Variants in MAGI2 observed in about 807,000 individuals in gnomAD.
MAGI2 encodes membrane-associated guanylate kinase, WW and PDZ domain-containing protein 2.
MAGI2 carries 35 observed loss-of-function variants against 133.3 expected under a neutral mutation model. The ratio of observed to expected loss-of-function variants is 0.26; its 90% confidence interval spans 0.20 to 0.35. The LOEUF is 0.35. Among genes scored for constraint, MAGI2 ranks in the 10% least tolerant of loss-of-function variants. The pLI is 1.00. For missense variants in MAGI2, 1,636 were observed against 1,863.4 expected (o/e 0.88, Z 2.25); for synonymous variants, 729 against 710.6 (o/e 1.03, Z -0.41).
intron 1 of MAGI2, among the ~76,000 whole-genome samples, chr7:79,407,831 C>T (rs556239464): frequency 8.2e-4 from 125 of 151,858 alleles, no homozygotes; most frequent in Non-Finnish European, 1.3e-3. Flanking sequence ...ACAATACCTA[C>T]AATTTTGGGT....
intron 2 of MAGI2, among the ~76,000 whole-genome samples, chr7:78,957,411 T>C (rs1332016399): frequency 6.6e-6 from 1 of 152,042 alleles, no homozygotes; most frequent in Non-Finnish European, 1.5e-5. Context: ...AAAACTATAG[T>C]ATAATTTGCC....
intron 9 of MAGI2, among the ~76,000 whole-genome samples, chr7:78,310,156 G>A (rs972235931): frequency 2.1e-4 from 32 of 151,940 alleles, no homozygotes; most frequent in African/African-American, 7.5e-4. Context: ...TACATTAGTG[G>A]CCAGGCGTGG....
chr7:78,476,263 C>T (rs988686341), intron 6 of MAGI2, among the ~76,000 whole-genome samples: 2 of 151,718 alleles, frequency 1.3e-5, no homozygotes, highest in Non-Finnish European at 1.5e-5. Flanking sequence ...TTTGTAGCCT[C>T]GAACCACTGG....
At chr7:78,682,820 G>A (rs1400617344) in intron 2 of MAGI2, among the ~76,000 whole-genome samples, 1 of 152,134 alleles carries the variant, frequency 6.6e-6, no homozygotes, top group Non-Finnish European at 1.5e-5. Context: ...TACTATTGAT[G>A]AACTCTTAAG....
At chr7:78,687,919 G>C (rs550562741) in intron 2 of MAGI2, among the ~76,000 whole-genome samples, 3 of 136,806 alleles carry the variant, frequency 2.2e-5, no homozygotes, top group Non-Finnish European at 3.0e-5. Flanking sequence ...GCGGTGAGCC[G>C]AGACTGGGCC....
At chr7:78,812,081 A>G (rs1157571453) in intron 2 of MAGI2, among the ~76,000 whole-genome samples, 1 of 152,172 alleles carries the variant, frequency 6.6e-6, no homozygotes, top group Non-Finnish European at 1.5e-5. Flanking sequence ...GCCAGGGAAC[A>G]TGGGCAGCCT....
chr7:78,658,526 G>A (rs1449935483), intron 2 of MAGI2, among the ~76,000 whole-genome samples: 2 of 152,018 alleles, frequency 1.3e-5, no homozygotes, highest in African/African-American at 2.4e-5. Context: ...TTAAGAGCAC[G>A]AAAAGACAAA....
At chr7:78,854,615 C>A (rs1279187325) in intron 2 of MAGI2, among the ~76,000 whole-genome samples, 1 of 150,150 alleles carries the variant, frequency 6.7e-6, no homozygotes, top group East Asian at 1.9e-4. Flanking sequence ...CTTTGTTAAT[C>A]TTTGCAGGCT....
chr7:79,446,717 G>A (rs1848877613), intron 1 of MAGI2, among the ~76,000 whole-genome samples: 1 of 152,126 alleles, frequency 6.6e-6, no homozygotes, highest in South Asian at 2.1e-4. Context: ...TTGGGAGACC[G>A]AAGCAGGTGG....
At chr7:78,520,640 T>C (rs1346130484) in intron 4 of MAGI2, among the ~76,000 whole-genome samples, 1 of 152,114 alleles carries the variant, frequency 6.6e-6, no homozygotes, top group East Asian at 1.9e-4. Context: ...TGCCACAGTT[T>C]TGTTGTTGTT....
At chr7:79,234,932 C>T (rs1215461793) in intron 1 of MAGI2, among the ~76,000 whole-genome samples, 1 of 151,862 alleles carries the variant, frequency 6.6e-6, no homozygotes, top group South Asian at 2.1e-4. Context: ...GTTTTATCTA[C>T]TTTTGGTCTT....
At chr7:78,274,661 A>G (rs540246997) in intron 9 of MAGI2, among the ~76,000 whole-genome samples, 2 of 151,874 alleles carry the variant, frequency 1.3e-5, no homozygotes, top group African/African-American at 4.8e-5. Context: ...TCTAGAGAGG[A>G]AGTCTGGCTG....
rs1849433401 is a variant in MAGI2, at chr7:79,453,377, G to A, written c.-57C>T. ...CTCCTTGGGGTTAGGGGGGCTGGTG[G>A]TGAGAGAATGAGGATGGAGGAGCAA... On this transcript the variant is annotated 5_prime_UTR_variant, in exon 1 of 22. Transcript: ENST00000354212. 6.5e-7 allele frequency: 1 copy of A among 1,537,312 alleles called. No homozygotes were observed. Among genetic ancestry groups the A allele is most frequent in the Admixed American group, 2.1e-5 (1 of 48,270 alleles).
chr7:78,358,096 G>A (rs1474170908), intron 7 of MAGI2, among the ~76,000 whole-genome samples: 1 of 140,734 alleles, frequency 7.1e-6, no homozygotes, highest in East Asian at 2.2e-4. Context: ...CTGGGAAGTC[G>A]AGGCTGCAGT....
chr7:79,024,118 A>G (rs1809618366), intron 1 of MAGI2, among the ~76,000 whole-genome samples: 1 of 152,176 alleles, frequency 6.6e-6, no homozygotes, highest in Admixed American at 6.5e-5. Flanking sequence ...ACAGCATGGT[A>G]CTGATACAAA....
At chr7:79,442,840 A>G (rs1188417554) in intron 1 of MAGI2, among the ~76,000 whole-genome samples, 2 of 152,068 alleles carry the variant, frequency 1.3e-5, no homozygotes, top group African/African-American at 4.8e-5. Context: ...ATTAGCCAAG[A>G]CTTTTGGAAC....
At chr7:78,457,154 C>T (rs1473029758) in intron 6 of MAGI2, among the ~76,000 whole-genome samples, 1 of 152,184 alleles carries the variant, frequency 6.6e-6, no homozygotes, top group African/African-American at 2.4e-5. Context: ...CCTACTAGCC[C>T]TGCCCCGCTT....
chr7:78,084,812 C>T (rs145843909), intron 20 of MAGI2, among the ~76,000 whole-genome samples: 133 of 152,350 alleles, frequency 8.7e-4, no homozygotes, highest in African/African-American at 3.1e-3. Flanking sequence ...CCTGATGGAA[C>T]AAAGGACAGG....
intron 2 of MAGI2, among the ~76,000 whole-genome samples, chr7:78,850,272 G>A (rs888830010): frequency 5.8e-4 from 89 of 152,178 alleles, no homozygotes; most frequent in African/African-American, 2.0e-3. Flanking sequence ...GGAGCAAAAA[G>A]TCAAATGAAA....
Sources: gnomAD v4.1 joint callset for allele counts (sites outside exome capture counted in the v4.1 genomes callset) on GRCh38, gnomAD v4.1.1 for gene constraint, MANE v1.5 for transcripts, NCBI Gene and HGNC (gene_info 2026-07-23, HGNC 2026-07-21) for gene names.